Variants in DCLK2 observed in about 807,000 individuals in gnomAD.
The protein encoded by DCLK2 is doublecortin like kinase 2.
Under a neutral mutation model 78.4 loss-of-function variants are expected in DCLK2, and 31 were observed. The observed-to-expected ratio is 0.40, with a 90% CI of 0.30 to 0.53. The LOEUF (loss-of-function observed/expected upper bound fraction) is 0.53. Ranked by LOEUF, DCLK2 falls within the 20% of genes least tolerant of loss-of-function variation. The pLI, the probability that DCLK2 is intolerant of heterozygous loss-of-function variation, is 0.61. For synonymous variants in DCLK2, 407 were observed against 374.9 expected, an observed-to-expected ratio of 1.09 and a Z score of -0.99; for missense variants, 872 against 973.7, an observed-to-expected ratio of 0.90 and a Z score of 1.39.
At chr4:150,163,296 G>A (rs1735837901) in intron 2 of DCLK2, among the ~76,000 whole-genome samples, 2 of 152,088 alleles carry the variant, frequency 1.3e-5, no homozygotes, top group South Asian at 2.1e-4. Context: ...CACTTGGGGG[G>A]CTAAGGCAGG....
chr4:150,201,263 G>A (rs72969284), intron 4 of DCLK2, among the ~76,000 whole-genome samples: 5,493 of 152,258 alleles, frequency 0.036, 318 homozygotes, highest in African/African-American at 0.12. Flanking sequence ...ATCCAGGGGT[G>A]TAGCAGAAGA....
chr4:150,183,588 A>T (rs1013849654), intron 2 of DCLK2, among the ~76,000 whole-genome samples: 2 of 152,188 alleles, frequency 1.3e-5, no homozygotes, highest in Admixed American at 1.3e-4. Flanking sequence ...TTGGGATAGA[A>T]AACTAACATC....
intron 1 of DCLK2, among the ~76,000 whole-genome samples, chr4:150,082,003 A>C (rs1729332036): frequency 6.6e-6 from 1 of 151,516 alleles, no homozygotes; most frequent in Non-Finnish European, 1.5e-5. Context: ...GTCTCAAAAA[A>C]AAAAAAAAAA....
At chr4:150,207,603 G>T (rs1250712719) in intron 5 of DCLK2, among the ~76,000 whole-genome samples, 5 of 152,148 alleles carry the variant, frequency 3.3e-5, no homozygotes, top group African/African-American at 1.2e-4. Context: ...TCTTTGAGGG[G>T]CTGGAAAAAA....
Position 150,078,998 on chromosome 4 carries a change from C to CT in DCLK2, c.-25dup, listed in dbSNP as rs758088932. 2 of 1,509,598 alleles carry CT rather than the reference C, an allele frequency of 1.3e-6. No individual in the cohort carries two copies. The highest frequency in any genetic ancestry group is 2.3e-5 in the East Asian group (1 of 42,852). The allele number at this position is 1,509,598 out of a possible 1,614,324, so 93.5% of individuals were successfully genotyped here. ...CGCACCCTTAGTCGGCCCGGAACGT[C>CT]TTTTTGCGGACGCCCTCGGAGCAGC... On this transcript the variant is annotated 5_prime_UTR_variant, in exon 1 of 16. Transcript: ENST00000296550.
intron 2 of DCLK2, among the ~76,000 whole-genome samples, chr4:150,127,178 A>C (rs558571143): frequency 2.6e-5 from 4 of 152,120 alleles, no homozygotes; most frequent in Admixed American, 2.0e-4. Context: ...CCACCTGTAC[A>C]TTTATAATTT....
chr4:150,104,087 C>A (rs1013404273), intron 2 of DCLK2, among the ~76,000 whole-genome samples: 1 of 151,444 alleles, frequency 6.6e-6, no homozygotes, highest in Admixed American at 6.6e-5. Flanking sequence ...ATTTAAGATA[C>A]CTAACCAAAG....
At chr4:150,203,994 A>C in intron 5 of DCLK2, 105 bp downstream of exon 5, 1 of 1,094,176 alleles carries the variant, frequency 9.1e-7, no homozygotes, top group Admixed American at 2.4e-5. Flanking sequence ...GCAAATTAAA[A>C]AGATTTTAGG....
intron 2 of DCLK2, among the ~76,000 whole-genome samples, chr4:150,139,930 G>A (rs369660661): frequency 6.6e-6 from 1 of 152,114 alleles, no homozygotes; most frequent in African/African-American, 2.4e-5. Flanking sequence ...TGACATGGTT[G>A]GTTTGTTTTA....
intron 15 of DCLK2, chr4:150,253,564 C>A (rs1474512708): frequency 7.8e-7 from 1 of 1,289,528 alleles, no homozygotes; most frequent in Non-Finnish European, 1.0e-6. Flanking sequence ...CTGGTATTCA[C>A]CACGCTGCGT....
At chr4:150,138,814 T>A (rs942978447) in intron 2 of DCLK2, among the ~76,000 whole-genome samples, 1 of 151,966 alleles carries the variant, frequency 6.6e-6, no homozygotes, top group Admixed American at 6.6e-5. Context: ...TACAGGCGCC[T>A]GCCACCATGC....
Position 150,256,315 on chromosome 4 carries a change from G to T in DCLK2, c.*68G>T. ...GCCAGCCCTCTGCTCGGCCTCGCCG[G>T]CCTCCCTGCTGCAGGCCTCCCTCTC... is the stretch of plus-strand genomic sequence containing the variant. On this transcript the variant is annotated 3_prime_UTR_variant, in exon 16 of 16. Transcript: ENST00000296550. 1 of 1,442,334 alleles carries T rather than the reference G, an allele frequency of 6.9e-7. No individual in the cohort carries two copies. The highest frequency in any genetic ancestry group is 9.1e-7 in the Non-Finnish European group (1 of 1,101,912). 89.3% of individuals were successfully genotyped at this position (1,442,334 alleles called of 1,614,324 possible).
chr4:150,079,210 C>A lies in DCLK2; in HGVS notation c.183C>A (p.Thr61=). The A allele has an allele frequency of 6.2e-7, 1 of 1,611,792 alleles. No individual in the cohort carries two copies. Among genetic ancestry groups the A allele is most frequent in the Middle Eastern group, 1.7e-4 (1 of 6,058 alleles). The change falls in exon 1 of 16, where the codon ACC becomes ACA. Residue 61 remains threonine (T), a synonymous_variant. Transcript: ENST00000296550. Reference sequence around the variant, plus strand: ...ACTGCAGCTTCTACCGCACGCGGACCCTGCAGGCCCTCAGCTCGGAGAAGA... The same window carrying A: ...ACTGCAGCTTCTACCGCACGCGGACACTGCAGGCCCTCAGCTCGGAGAAGA... ...SAHCSFYRTR[T]LQALSSEKKA...
Position 150,224,514 on chromosome 4 carries a change from G to A in DCLK2, c.1255G>A (p.Glu419Lys). ...ATTATTCCATAGGTCCACTGGAAAG[G>A]AGTTTGCCCTAAAGATTATAGACAA... ...KECIDRSTGKEFALKIIDKAK... is the reference protein window; with the variant it reads ...KECIDRSTGKKFALKIIDKAK... The change falls in exon 8 of 16, where the codon GAG becomes AAG. Residue 419 changes from glutamate to lysine, a missense_variant. By Grantham distance (56) the Glu-to-Lys change is moderately conservative. Around this residue, in one of 3 missense-constraint regions of DCLK2, gnomAD observed 567 missense variants for 593.4 expected, o/e 0.96. Coordinates refer to ENST00000296550, the MANE Select transcript of DCLK2 (RefSeq NM_001040260.4). The A allele has an allele frequency of 3.7e-6, 6 of 1,612,282 alleles. No homozygotes were observed. Among genetic ancestry groups the A allele is most frequent in the Non-Finnish European group, 5.1e-6 (6 of 1,179,176 alleles).
chr4:150,165,666 G>A (rs1287416240), intron 2 of DCLK2, among the ~76,000 whole-genome samples: 1 of 152,240 alleles, frequency 6.6e-6, no homozygotes, highest in African/African-American at 2.4e-5. Context: ...AGGTTTGTGA[G>A]TCCTCTGCTT....
chr4:150,188,904 C>CAA (rs59096633), intron 2 of DCLK2, among the ~76,000 whole-genome samples: 89 of 94,066 alleles, frequency 9.5e-4, no homozygotes, highest in East Asian at 2.1e-3. Context: ...GACTCTGTCT[C>CAA]AAAAAAAAAA....
intron 2 of DCLK2, among the ~76,000 whole-genome samples, chr4:150,142,223 C>T (rs535768556): frequency 6.6e-6 from 1 of 152,094 alleles, no homozygotes. Flanking sequence ...TCTTTAGATT[C>T]GCAATCAGTT....
In DCLK2 at chr4:150,175,112, T is replaced by TTGTA. The variant is rs1283919652; in HGVS notation, c.757-18025_757-18024insGTAT. On this transcript the variant is annotated intron_variant, in intron 2 of 15. Transcript: ENST00000296550. The stretch of plus-strand genomic sequence containing the variant: ...TATATATTTATATATATTTATATAT[T>TTGTA]TATATTTTTTATATATATATAATTT... 2.4e-3 allele frequency among the ~76,000 whole-genome samples: 242 copies of TTGTA among 100,396 alleles called. 47 individuals carry two copies. The highest frequency in any genetic ancestry group is 0.011 in the African/African-American group (227 of 19,742). 65.9% of individuals were successfully genotyped at this position (100,396 alleles called of 152,430 possible).
At chr4:150,140,136 A>G (rs1734012234) in intron 2 of DCLK2, among the ~76,000 whole-genome samples, 1 of 152,244 alleles carries the variant, frequency 6.6e-6, no homozygotes, top group Non-Finnish European at 1.5e-5. Flanking sequence ...TTCCCTCCAT[A>G]GAAAACATAA....
Sources: allele counts gnomAD v4.1 joint callset (sites outside exome capture counted in the v4.1 genomes callset), GRCh38; gene constraint gnomAD v4.1.1; regional missense constraint gnomAD v4.1.1; transcripts MANE v1.5; gene names NCBI Gene and HGNC (gene_info 2026-07-23, HGNC 2026-07-21).